The following APBB2 variants were observed in gnomAD, a reference collection of about 807,000 sequenced individuals.
APBB2 encodes the protein amyloid beta precursor protein binding family B member 2.
Under a neutral mutation model 82.5 loss-of-function variants are expected in APBB2, and 38 were observed. The ratio of observed to expected loss-of-function variants is 0.46; its 90% CI spans 0.36 to 0.60. The LOEUF (loss-of-function observed/expected upper bound fraction) is 0.60. Among genes scored for constraint, APBB2 ranks in the 20% least tolerant of loss-of-function variants. APBB2 has a pLI of 0.00. For missense variants in APBB2, 772 were observed against 972.3 expected (o/e 0.79, Z 2.74); for synonymous variants, 341 against 368.2 (o/e 0.93, Z 0.85).
chr4:41,009,434 T>A (rs757515703), intron 6 of APBB2, among the ~76,000 whole-genome samples: 1 of 152,156 alleles, frequency 6.6e-6, no homozygotes, highest in Admixed American at 6.5e-5. Flanking sequence ...ACATATTGTA[T>A]ACATGATTGA....
chr4:40,885,187 T>TAA (rs1769860961), intron 12 of APBB2, among the ~76,000 whole-genome samples: 1 of 152,178 alleles, frequency 6.6e-6, no homozygotes, highest in South Asian at 2.1e-4. Flanking sequence ...CAAGGCATGA[T>TAA]AAATCTAAGT....
chr4:40,935,171 G>T, intron 7 of APBB2, 32 bp from the exon 8 acceptor site: 1 of 1,359,842 alleles, frequency 7.4e-7, no homozygotes, highest in Non-Finnish European at 9.9e-7. Context: ...TAGGAAAAAA[G>T]CACATTGATT....
chr4:40,918,712 TCCTTCCTTCCTC>T (rs1458550534), intron 10 of APBB2, among the ~76,000 whole-genome samples: 3 of 132,778 alleles, frequency 2.3e-5, no homozygotes, highest in Admixed American at 7.7e-5. Context: ...CTTCCTTCCT[TCCTTCCTTCCTC>T]CCTCCCTCCC....
chr4:41,029,543 C>T (rs58486590), intron 5 of APBB2, among the ~76,000 whole-genome samples: 6,949 of 152,238 alleles, frequency 0.046, 331 homozygotes, highest in African/African-American at 0.12. Context: ...TGAGGACTCA[C>T]TCTGTTCAAT....
At chr4:40,923,404 T>C (rs1377847766) in intron 10 of APBB2, among the ~76,000 whole-genome samples, 1 of 152,242 alleles carries the variant, frequency 6.6e-6, no homozygotes, top group East Asian at 1.9e-4. Context: ...GCTGGCTCTT[T>C]TCCAGATGGC....
chr4:40,983,830 G>T (rs1197942298), intron 6 of APBB2, among the ~76,000 whole-genome samples: 1 of 152,140 alleles, frequency 6.6e-6, no homozygotes, highest in African/African-American at 2.4e-5. Flanking sequence ...TCCCGCCTCG[G>T]CCTCCCAAAG....
chr4:40,836,447 T>A (rs1753976331), intron 12 of APBB2, among the ~76,000 whole-genome samples: 1 of 152,124 alleles, frequency 6.6e-6, no homozygotes, highest in Admixed American at 6.6e-5. Context: ...ACTGCACTCC[T>A]GCCTAGGCAA....
At chr4:41,196,023 G>A in intron 1 of APBB2, among the ~76,000 whole-genome samples, 1 of 142,118 alleles carries the variant, frequency 7.0e-6, no homozygotes, top group African/African-American at 2.9e-5. Flanking sequence ...AGCTGGGTGT[G>A]GTGGCGGCGC....
At chr4:40,852,777 A>C (rs1260390955) in intron 12 of APBB2, among the ~76,000 whole-genome samples, 1 of 152,064 alleles carries the variant, frequency 6.6e-6, no homozygotes, top group Non-Finnish European at 1.5e-5. Flanking sequence ...AGTAGCTGGA[A>C]TTACAGGCAT....
At chr4:40,906,128 TCTA>T (rs1776632884) in intron 10 of APBB2, among the ~76,000 whole-genome samples, 1 of 152,170 alleles carries the variant, frequency 6.6e-6, no homozygotes, top group African/African-American at 2.4e-5. Context: ...TTCAGTGTAT[TCTA>T]AGCATAGATT....
In APBB2 at chr4:40,810,577, C is replaced by CAAAAAAAAAAAAAAAAAAA. The variant is rs11405521; in HGVS notation, c.*5496_*5514dup. 1 of 66,378 alleles carries CAAAAAAAAAAAAAAAAAAA rather than the reference C, an allele frequency of 1.5e-5. No individual in the cohort carries two copies. The highest frequency in any genetic ancestry group is 2.7e-5 in the Non-Finnish European group (1 of 36,400). The allele number at this position is 66,378 out of a possible 1,614,324, so 4.1% of individuals were successfully genotyped here. A position where few individuals can be genotyped will look rare whatever the true frequency, so the allele number is the denominator to read the frequency against. On this transcript the variant is annotated 3_prime_UTR_variant, in exon 18 of 18. Coordinates refer to ENST00000508593, the MANE Select transcript of APBB2 (RefSeq NM_004307.2). ...TGGGAAGCAGAGTGAGACCTTGCCT[C>CAAAAAAAAAAAAAAAAAAA]AAAAAAAAAAAAAAAAAAAAAAAAG...
rs545687863 is a variant in APBB2 at position 41,110,652 on chromosome 4, A to G, written c.-260-9902T>C. ...ATTTTTATCCTTATCATGTACTGAC[A>G]AAAATTATTTTAGGCAAGACTGACA... On this transcript the variant is annotated intron_variant, in intron 2 of 17. Transcript: ENST00000508593. Among the ~76,000 whole-genome samples the G allele has an allele frequency of 4.3e-4, 66 of 151,966 alleles. No homozygotes were observed. The South Asian group carries it at 0.014, about 32-fold the overall frequency.
chr4:41,157,940 C>T (rs943561215), intron 1 of APBB2, among the ~76,000 whole-genome samples: 2 of 152,098 alleles, frequency 1.3e-5, no homozygotes, highest in East Asian at 1.9e-4. Context: ...TGCAGTGAGC[C>T]GAGATTGCGC....
intron 11 of APBB2, among the ~76,000 whole-genome samples, chr4:40,891,262 G>A (rs972047266): frequency 3.3e-5 from 5 of 152,144 alleles, no homozygotes; most frequent in African/African-American, 1.2e-4. Flanking sequence ...CTTACACTCT[G>A]GTGTCCCATC....
At chr4:40,894,785 A>C (rs566356117) in intron 10 of APBB2, among the ~76,000 whole-genome samples, 1 of 152,360 alleles carries the variant, frequency 6.6e-6, no homozygotes, top group African/African-American at 2.4e-5. Context: ...TAAAAAATCC[A>C]AAGACGTATG....
chr4:40,917,338 A>C (rs1326127629), intron 10 of APBB2, among the ~76,000 whole-genome samples: 1 of 152,164 alleles, frequency 6.6e-6, no homozygotes, highest in East Asian at 1.9e-4. Flanking sequence ...CCATCAAAGA[A>C]AGGGAAGTGA....
intron 3 of APBB2, among the ~76,000 whole-genome samples, chr4:41,084,089 G>C (rs1214227290): frequency 6.6e-6 from 1 of 152,104 alleles, no homozygotes. Flanking sequence ...ATAGTGACTA[G>C]ATAACAAACT....
At chr4:41,084,156 G>A (rs1738756751) in intron 3 of APBB2, among the ~76,000 whole-genome samples, 1 of 152,174 alleles carries the variant, frequency 6.6e-6, no homozygotes, top group African/African-American at 2.4e-5. Context: ...TGGGCACGGT[G>A]GCTCACGCCT....
chr4:41,133,662 T>G (rs1233674105), intron 2 of APBB2, among the ~76,000 whole-genome samples: 1 of 152,318 alleles, frequency 6.6e-6, no homozygotes, highest in East Asian at 1.9e-4. Context: ...GGTACTTAAC[T>G]AAGAATGCTA....
Sources: gnomAD v4.1 joint callset for allele counts (sites outside exome capture counted in the v4.1 genomes callset) on GRCh38, gnomAD v4.1.1 for gene constraint, MANE v1.5 for transcripts, NCBI Gene and HGNC (gene_info 2026-07-23, HGNC 2026-07-21) for gene names.